Variants in NPC1L1 observed in about 807,000 individuals in gnomAD.
The protein encoded by NPC1L1 is NPC1-like intracellular cholesterol transporter 1.
In NPC1L1, 98 loss-of-function variants were observed where a neutral mutation model predicts 117.0. The ratio of observed to expected loss-of-function variants is 0.84; its 90% CI spans 0.71 to 0.99. The LOEUF is 0.99. Ranked by LOEUF, NPC1L1 falls within the 50% of genes least tolerant of loss-of-function variation. The pLI is 0.00. For synonymous variants in NPC1L1, 729 were observed against 727.6 expected (o/e 1.00, Z -0.03); for missense variants, 1,540 against 1,710.0 (o/e 0.90, Z 1.75).
chr7:44,519,013 C>T (rs1330260633), intron 14 of NPC1L1, among the ~76,000 whole-genome samples: 1 of 150,982 alleles, frequency 6.6e-6, no homozygotes, highest in Non-Finnish European at 1.5e-5. Context: ...CTCTCTCTCT[C>T]TTTCTCCCTT....
Position 44,515,788 on chromosome 7 carries a change from G to T in NPC1L1, c.3796+15C>A, listed in dbSNP as rs760577656. 6.2e-7 allele frequency: 1 copy of T among 1,614,154 alleles called. No individual in the cohort carries two copies. The highest frequency in any genetic ancestry group is 1.1e-5 in the South Asian group (1 of 91,076). On this transcript the variant is annotated intron_variant, in intron 18 of 18. Transcript: ENST00000381160. Reference sequence around the variant, plus strand: ...TAATCATGACAGTCTGGTAGGAACAGGCCTGGGCACTCACCCACGTAGCTG... The same window carrying T: ...TAATCATGACAGTCTGGTAGGAACATGCCTGGGCACTCACCCACGTAGCTG...
At chr7:44,527,043 T>A (rs959882117) in intron 10 of NPC1L1, among the ~76,000 whole-genome samples, 4 of 151,598 alleles carry the variant, frequency 2.6e-5, no homozygotes, top group East Asian at 1.9e-4. Context: ...TAAAAAATTT[T>A]AAAAAATTAA....
At chr7:44,526,373 A>G (rs1299257411) in intron 10 of NPC1L1, among the ~76,000 whole-genome samples, 7 of 151,176 alleles carry the variant, frequency 4.6e-5, no homozygotes, top group Non-Finnish European at 1.0e-4. Context: ...ACATGGTGAG[A>G]CCCCATCTCT....
At position 44,532,122 on chromosome 7, in the gene NPC1L1, A is replaced by G. The variant is rs114374279; in HGVS notation, c.2505T>C (p.Ala835=). The G allele has an allele frequency of 1.5e-3, 2,392 of 1,614,084 alleles. 29 individuals are homozygous for G. In the African/African-American group the frequency reaches 0.026, roughly 18 times the overall value. Residue 835 remains alanine, a synonymous_variant, in exon 9 of 19, where the codon GCT becomes GCC. Transcript: ENST00000381160. The stretch of plus-strand genomic sequence containing the variant: ...TCCAGTGCAGCAGGAAGGGGGCATA[A>G]GCCTTTTGGAAGAAGCCAAGCAGGA... ...EGLLLGFFQK[A]YAPFLLHWIT...
At position 44,529,576 on chromosome 7, in the gene NPC1L1, C is replaced by A. The variant is rs562465377; in HGVS notation, c.2637+2179G>T. On this transcript the variant is annotated intron_variant, in intron 10 of 18. Transcript: ENST00000381160. The stretch of plus-strand genomic sequence containing the variant: ...TATTTTTAGTAGAGATGGGGTTTCT[C>A]CATGTTGGTCAAGCTGGTCTCAAAC... Among the ~76,000 whole-genome samples the A allele has an allele frequency of 5.0e-4, 76 of 151,692 alleles. 1 individual carries two copies. Among genetic ancestry groups the A allele is most frequent in the African/African-American group, 1.8e-3 (73 of 41,416 alleles).
chr7:44,539,614 T>G lies in NPC1L1; in HGVS notation c.783A>C (p.Ala261=), dbSNP rs375324059. The G allele has an allele frequency of 6.2e-7, 1 of 1,613,886 alleles. No individual in the cohort carries two copies. The stretch of plus-strand genomic sequence containing the variant: ...GGGGGCGGGCTATGGCAGGACAGGA[T>G]GCAGCACAGTCTTGGCAGGAGCAGG... ...VATCSCQDCA[A]SCPAIARPQA... Residue 261 remains alanine (A), a synonymous_variant, in exon 2 of 19, where the codon GCA becomes GCC. Transcript: ENST00000381160. This position sits in a 1 kb window ranked among gnomAD's most constrained non-coding sequence, Gnocchi z 4.4.
chr7:44,527,461 CAAAAAAAA>C (rs1160435212), intron 10 of NPC1L1, among the ~76,000 whole-genome samples: 4 of 40,106 alleles, frequency 1.0e-4, no homozygotes, highest in Non-Finnish European at 1.5e-4. Context: ...AACAACTTCT[CAAAAAAAA>C]AAAAAAAAAA....
chr7:44,535,688 A>C, intron 5 of NPC1L1, 152 bp downstream of exon 5: 1 of 924,122 alleles, frequency 1.1e-6, no homozygotes, highest in Non-Finnish European at 1.7e-6. Flanking sequence ...AGCACAGAAC[A>C]CTTGCAAGAG....
At chr7:44,526,709 C>CA (rs949865314) in intron 10 of NPC1L1, among the ~76,000 whole-genome samples, 12 of 151,768 alleles carry the variant, frequency 7.9e-5, no homozygotes, top group African/African-American at 2.9e-4. Context: ...ACCCCCATCT[C>CA]AAAAAAATTG....
In NPC1L1 at chr7:44,538,701, A is replaced by G; in HGVS notation, c.1580+116T>C. 9.5e-7 allele frequency: 1 copy of G among 1,049,378 alleles called. No individual in the cohort carries two copies. Among genetic ancestry groups the G allele is most frequent in the South Asian group, 1.3e-5 (1 of 79,188 alleles). 65.0% of individuals were successfully genotyped at this position (1,049,378 alleles called of 1,614,324 possible). On this transcript the variant is annotated intron_variant, in intron 2 of 18. Transcript: ENST00000381160. This position sits in a 1 kb window ranked among gnomAD's most constrained non-coding sequence, Gnocchi z 5.9. Reference sequence around the variant, plus strand: ...GCGGCCCCAGGCCAGAGCCGTAGGAATAGCTACCTCTGGTCCTTCAGGACC... The same window carrying G: ...GCGGCCCCAGGCCAGAGCCGTAGGAGTAGCTACCTCTGGTCCTTCAGGACC...
At chr7:44,533,968 G>T in intron 6 of NPC1L1, 115 bp from the exon 7 acceptor site, 1 of 789,448 alleles carries the variant, frequency 1.3e-6, no homozygotes, top group Non-Finnish European at 2.2e-6. Context: ...GAGCTGCTCT[G>T]ACCTTCCTGA....
rs528045473 is a variant in NPC1L1, at chr7:44,531,021, C to T, written c.2637+734G>A. ...CCCAGATGGGACCTAGACATCGAGT[C>T]CCCTCGATGCCTTCCCTCTCCCTAG... On this transcript the variant is annotated intron_variant, in intron 10 of 18. Transcript: ENST00000381160. 3.3e-5 allele frequency among the ~76,000 whole-genome samples: 5 copies of T among 152,332 alleles called. No homozygotes were observed. The East Asian group carries it at 9.6e-4, about 29-fold the overall frequency.
chr7:44,527,461 C>CA (rs1160435212), intron 10 of NPC1L1, among the ~76,000 whole-genome samples: 6,958 of 39,476 alleles, frequency 0.18, 549 homozygotes, highest in Non-Finnish European at 0.24. Flanking sequence ...AACAACTTCT[C>CA]AAAAAAAAAA....
chr7:44,531,263 C>A (rs971661819), intron 10 of NPC1L1, among the ~76,000 whole-genome samples: 1 of 152,228 alleles, frequency 6.6e-6, no homozygotes, highest in Admixed American at 6.5e-5. Context: ...GCTCATCCCA[C>A]CCCCACAGTC....
In NPC1L1 at chr7:44,538,756, G is replaced by T; in HGVS notation, c.1580+61C>A. 6.4e-7 allele frequency: 1 copy of T among 1,553,392 alleles called. No individual in the cohort carries two copies. Among genetic ancestry groups the T allele is most frequent in the South Asian group, 1.1e-5 (1 of 89,904 alleles). ...GTATGCCCGGCCAGGTTCCCAGGAG[G>T]CCATGGCAGCCCAGCCCCAGCCCCA... On this transcript the variant is annotated intron_variant, in intron 2 of 18. Transcript: ENST00000381160. This position sits in a 1 kb window ranked among gnomAD's most constrained non-coding sequence, Gnocchi z 5.9.
intron 10 of NPC1L1, among the ~76,000 whole-genome samples, chr7:44,528,993 C>T (rs149422921): frequency 4.2e-4 from 63 of 151,796 alleles, no homozygotes; most frequent in African/African-American, 1.4e-3. Context: ...ATTGCTTGAA[C>T]CCGGGAGGTG....
Position 44,521,906 on chromosome 7 carries a change from ACC to A in NPC1L1, c.2829-72_2829-71del. The A allele has an allele frequency of 1.9e-6, 3 of 1,608,866 alleles. No individual in the cohort carries two copies. The Admixed American group carries it at 5.0e-5, about 27-fold the overall frequency. ...GGTGGTGGGTCCTTCTCGTGGCCCAACCCCCACGCAGCCCTCCCCAGGCATAC... is the reference window on the plus strand; with the variant it reads ...GGTGGTGGGTCCTTCTCGTGGCCCAACCCACGCAGCCCTCCCCAGGCATAC... On this transcript the variant is annotated intron_variant, in intron 11 of 18. Transcript: ENST00000381160.
At chr7:44,533,129 G>A in intron 8 of NPC1L1, 1 of 307,576 alleles carries the variant, frequency 3.3e-6, no homozygotes, top group Non-Finnish European at 6.3e-6. Context: ...GTTACATGCA[G>A]ATTTTCAACT....
At chr7:44,537,528 G>A (rs1290170607) in intron 2 of NPC1L1, among the ~76,000 whole-genome samples, 1 of 152,222 alleles carries the variant, frequency 6.6e-6, no homozygotes, top group African/African-American at 2.4e-5. Flanking sequence ...AGGCAAGTCT[G>A]TAGGTCCTTC....
Sources: gnomAD v4.1 joint callset for allele counts (sites outside exome capture counted in the v4.1 genomes callset) on GRCh38, gnomAD v4.1.1 for gene constraint, Gnocchi (gnomAD v3.1) non-coding constraint, MANE v1.5 for transcripts, NCBI Gene and HGNC (gene_info 2026-07-23, HGNC 2026-07-21) for gene names.